Variants in STAC observed in about 807,000 individuals in gnomAD.
The protein encoded by STAC is SH3 and cysteine-rich domain-containing protein.
In STAC, 43 loss-of-function variants were observed where a neutral mutation model predicts 48.8. That is an observed-to-expected ratio of 0.88 (90% CI 0.69 to 1.14). The LOEUF is 1.14. Ranked by LOEUF, STAC falls within the 50% of genes most tolerant of loss-of-function variation. The pLI, the probability that STAC is intolerant of heterozygous loss-of-function variation, is 0.00. For missense variants in STAC, 497 were observed against 504.0 expected (o/e 0.99, Z 0.13); for synonymous variants, 193 against 179.5 (o/e 1.07, Z -0.60).
At chr3:36,431,154 T>G (rs1338117040) in intron 1 of STAC, among the ~76,000 whole-genome samples, 3 of 152,206 alleles carry the variant, frequency 2.0e-5, no homozygotes, top group South Asian at 4.1e-4. Flanking sequence ...TCTAGAGAGC[T>G]CTATACTGTA....
At chr3:36,398,414 GGGAA>G (rs761355414) in intron 1 of STAC, among the ~76,000 whole-genome samples, 3,031 of 35,686 alleles carry the variant, frequency 0.085, 206 homozygotes, top group East Asian at 0.17. Flanking sequence ...GAAAGAGAGA[GGGAA>G]GGAAGGAAGG....
At chr3:36,400,015 T>C (rs1180786991) in intron 1 of STAC, among the ~76,000 whole-genome samples, 2 of 152,220 alleles carry the variant, frequency 1.3e-5, no homozygotes, top group Admixed American at 1.3e-4. Flanking sequence ...GGTGGGTTGA[T>C]GCCCCGGTCG....
chr3:36,441,307 T>G (rs890017288), intron 1 of STAC, among the ~76,000 whole-genome samples: 7 of 152,088 alleles, frequency 4.6e-5, no homozygotes, highest in African/African-American at 1.7e-4. Context: ...CGAGATCAAC[T>G]TTTTTTAGCT....
chr3:36,524,461 G>A (rs1051480677), intron 8 of STAC, among the ~76,000 whole-genome samples: 33 of 151,996 alleles, frequency 2.2e-4, no homozygotes, highest in African/African-American at 7.5e-4. Flanking sequence ...GCATGGTAGC[G>A]GGCGCCTTTC....
At position 36,528,901 on chromosome 3, in the gene STAC, A is replaced by C. The variant is rs541572410; in HGVS notation, c.1026A>C (p.Leu342=). The C allele has an allele frequency of 1.9e-6, 3 of 1,613,826 alleles. No individual in the cohort carries two copies. Among genetic ancestry groups the C allele is most frequent in the South Asian group, 1.1e-5 (1 of 91,042 alleles). ...GFFPANFVQR[L]QQNEKIFRCV... ...TTCCAGCCAACTTTGTTCAGAGACT[A>C]CAACAAAATGAGAAGATTTTTAGAT... The change falls in exon 10 of 11, where the codon CTA becomes CTC. Residue 342 remains leucine, a synonymous_variant. Coordinates refer to ENST00000273183, the MANE Select transcript of STAC (RefSeq NM_003149.3).
chr3:36,395,678 G>A (rs1699843117), intron 1 of STAC, among the ~76,000 whole-genome samples: 1 of 152,188 alleles, frequency 6.6e-6, no homozygotes, highest in Admixed American at 6.5e-5. Flanking sequence ...ATAAGAAGCA[G>A]GATGGAATGA....
chr3:36,498,930 A>G (rs375552700), intron 6 of STAC, among the ~76,000 whole-genome samples: 286 of 152,358 alleles, frequency 1.9e-3, no homozygotes, highest in African/African-American at 6.5e-3. Flanking sequence ...AATGCAGTAT[A>G]AAAGACTGAT....
At chr3:36,437,826 CA>C (rs923375686) in intron 1 of STAC, among the ~76,000 whole-genome samples, 88 of 142,738 alleles carry the variant, frequency 6.2e-4, no homozygotes, top group African/African-American at 1.7e-3. Context: ...TATTAAAAGA[CA>C]AAAAAAAAAC....
chr3:36,400,717 C>T (rs73056089), intron 1 of STAC, among the ~76,000 whole-genome samples: 22 of 152,098 alleles, frequency 1.4e-4, no homozygotes, highest in African/African-American at 5.1e-4. Context: ...TGCTGATGCT[C>T]GTGCTAGTAA....
chr3:36,478,915 C>T (rs1697566010), intron 2 of STAC, among the ~76,000 whole-genome samples: 1 of 152,174 alleles, frequency 6.6e-6, no homozygotes, highest in Non-Finnish European at 1.5e-5. Context: ...ACACATGAAC[C>T]ACTGTGTCTG....
chr3:36,502,740 T>A (rs1410422225), intron 6 of STAC, among the ~76,000 whole-genome samples: 1 of 152,164 alleles, frequency 6.6e-6, no homozygotes, highest in Non-Finnish European at 1.5e-5. Flanking sequence ...CAGTCATACA[T>A]TACCAGAAAA....
rs376994376 is a variant in STAC at position 36,404,725 on chromosome 3, C to T, written c.111+23971C>T. 1.1e-4 allele frequency among the ~76,000 whole-genome samples: 16 copies of T among 151,178 alleles called. No homozygotes were observed. In the East Asian group the frequency reaches 2.2e-3, roughly 20 times the overall value. ...TCACAAAACAACATGTGTACACATTCATGTAAAAAATATATAAAAATTGGT... is the reference window on the plus strand; with the variant it reads ...TCACAAAACAACATGTGTACACATTTATGTAAAAAATATATAAAAATTGGT... On this transcript the variant is annotated intron_variant, in intron 1 of 10. Coordinates refer to ENST00000273183, the MANE Select transcript of STAC (RefSeq NM_003149.3).
chr3:36,542,418 C>T (rs1450772300), intron 10 of STAC, among the ~76,000 whole-genome samples: 1 of 152,130 alleles, frequency 6.6e-6, no homozygotes, highest in Non-Finnish European at 1.5e-5. Flanking sequence ...ATACTCTAGG[C>T]TCTGACAGAT....
intron 2 of STAC, among the ~76,000 whole-genome samples, chr3:36,463,851 T>A (rs546857610): frequency 1.3e-5 from 2 of 152,194 alleles, no homozygotes; most frequent in South Asian, 4.1e-4. Flanking sequence ...CATGAACTCA[T>A]CCTTTTTTAT....
chr3:36,386,689 A>T (rs980223613), intron 1 of STAC, among the ~76,000 whole-genome samples: 2 of 152,098 alleles, frequency 1.3e-5, no homozygotes. Flanking sequence ...TCCATAAATA[A>T]TTTGACTGTA....
intron 2 of STAC, among the ~76,000 whole-genome samples, chr3:36,458,154 T>G (rs1176309521): frequency 6.6e-6 from 1 of 152,098 alleles, no homozygotes; most frequent in Non-Finnish European, 1.5e-5. Context: ...CAAAAGTCAC[T>G]GCTGAATTAC....
chr3:36,440,236 A>G (rs1368871300), intron 1 of STAC, among the ~76,000 whole-genome samples: 1 of 152,220 alleles, frequency 6.6e-6, no homozygotes, highest in Non-Finnish European at 1.5e-5. Context: ...CATGCATAGC[A>G]TGCAGGAGGG....
chr3:36,515,428 G>C (rs982992481), intron 8 of STAC, among the ~76,000 whole-genome samples: 2 of 152,146 alleles, frequency 1.3e-5, no homozygotes, highest in Non-Finnish European at 2.9e-5. Context: ...TAAGTGGTCT[G>C]TGCTTTTTCC....
chr3:36,458,621 A>G (rs1696916509), intron 2 of STAC, among the ~76,000 whole-genome samples: 1 of 152,190 alleles, frequency 6.6e-6, no homozygotes, highest in Non-Finnish European at 1.5e-5. Flanking sequence ...TGCTTCTCTG[A>G]GCCCTAGTTT....
Sources: allele counts gnomAD v4.1 joint callset (sites outside exome capture counted in the v4.1 genomes callset), GRCh38; gene constraint gnomAD v4.1.1; transcripts MANE v1.5; gene names NCBI Gene and HGNC (gene_info 2026-07-23, HGNC 2026-07-21).